The following VEZT variants were observed in gnomAD, a reference collection of about 807,000 sequenced individuals.
VEZT encodes vezatin.
A neutral mutation model predicts 79.9 loss-of-function variants in VEZT; 39 were observed. That is an observed-to-expected ratio of 0.49 (90% CI 0.38 to 0.64). VEZT has a LOEUF of 0.64. Ranked by LOEUF, VEZT falls within the 30% of genes least tolerant of loss-of-function variation. VEZT has a pLI of 0.00. For synonymous variants in VEZT, 325 were observed against 327.6 expected (o/e 0.99, Z 0.09); for missense variants, 837 against 893.1 (o/e 0.94, Z 0.80).
chr12:95,294,143 T>G (rs992917206), intron 9 of VEZT, 129 bp from the exon 10 acceptor site: 198 of 652,452 alleles, frequency 3.0e-4, no homozygotes, highest in Non-Finnish European at 4.0e-4. Context: ...TGCCTCAGCC[T>G]CCCGAAGTGC....
At chr12:95,250,838 T>C (rs1286258075) in intron 1 of VEZT, among the ~76,000 whole-genome samples, 1 of 151,944 alleles carries the variant, frequency 6.6e-6, no homozygotes, top group Admixed American at 6.6e-5. Flanking sequence ...GCTTACTATG[T>C]GGCAAGGACT....
chr12:95,260,674 A>G (rs2064283772), intron 3 of VEZT, among the ~76,000 whole-genome samples: 2 of 152,214 alleles, frequency 1.3e-5, no homozygotes, highest in African/African-American at 2.4e-5. Flanking sequence ...TAGAAGTCTC[A>G]TAAAAGGTAT....
intron 9 of VEZT, 83 bp downstream of exon 9, chr12:95,287,940 GT>G: frequency 8.2e-7 from 1 of 1,221,758 alleles, no homozygotes; most frequent in Non-Finnish European, 1.1e-6. Context: ...TAGACTTCTT[GT>G]CTTTATGATG....
chr12:95,281,267 AAAG>A (rs1485885777), intron 7 of VEZT, among the ~76,000 whole-genome samples: 1 of 152,172 alleles, frequency 6.6e-6, no homozygotes, highest in Non-Finnish European at 1.5e-5. Flanking sequence ...ATTTTAAAAA[AAAG>A]AAGAAGAATG....
rs1357550135 is a variant in VEZT at position 95,248,782 on chromosome 12, G to A, written c.37-3158G>A. On this transcript the variant is annotated intron_variant, in intron 1 of 11. Coordinates refer to ENST00000436874, the MANE Select transcript of VEZT (RefSeq NM_017599.4). ...GCCAGAGGATAGCTTGAGCCCAGGA[G>A]TTCTAGGCCAGCCTGGACAACACAG... is the stretch of plus-strand genomic sequence containing the variant. 2.1e-5 allele frequency among the ~76,000 whole-genome samples: 3 copies of A among 146,090 alleles called. No individual in the cohort carries two copies. The East Asian group carries it at 6.1e-4, about 30-fold the overall frequency.
intron 1 of VEZT, among the ~76,000 whole-genome samples, chr12:95,236,006 C>G (rs540618482): frequency 1.3e-5 from 2 of 152,264 alleles, no homozygotes; most frequent in South Asian, 4.1e-4. Context: ...ACGCTCCTCA[C>G]TTCCCAGACG....
intron 4 of VEZT, among the ~76,000 whole-genome samples, 162 bp downstream of exon 4, chr12:95,263,243 A>G (rs2064874944): frequency 6.6e-6 from 1 of 152,210 alleles, no homozygotes; most frequent in Admixed American, 6.5e-5. Context: ...TCTAAAGTAA[A>G]TACTATTTAA....
At chr12:95,232,883 G>C (rs1241505666) in intron 1 of VEZT, among the ~76,000 whole-genome samples, 1 of 152,082 alleles carries the variant, frequency 6.6e-6, no homozygotes, top group Non-Finnish European at 1.5e-5. Context: ...TCGGCTCACT[G>C]CATCCTCTAC....
At position 95,273,276 on chromosome 12, in the gene VEZT, T is replaced by C. The variant is rs944948778; in HGVS notation, c.849-1466T>C. 4.5e-4 allele frequency among the ~76,000 whole-genome samples: 69 copies of C among 152,252 alleles called. 1 individual carries two copies. The highest frequency in any genetic ancestry group is 1.8e-4 in the Non-Finnish European group (12 of 68,052). Reference sequence around the variant, plus strand: ...ACAAAGTGCACGGATTGGTATTTATTGTATCCTTCAATTTGTGCATAAAAG... The same window carrying C: ...ACAAAGTGCACGGATTGGTATTTATCGTATCCTTCAATTTGTGCATAAAAG... On this transcript the variant is annotated intron_variant, in intron 6 of 11. Coordinates refer to ENST00000436874, the MANE Select transcript of VEZT (RefSeq NM_017599.4).
At chr12:95,291,945 T>A (rs914101228) in intron 9 of VEZT, among the ~76,000 whole-genome samples, 2 of 152,220 alleles carry the variant, frequency 1.3e-5, no homozygotes, top group East Asian at 3.9e-4. Flanking sequence ...ACTACAGCCA[T>A]GCACCACCAT....
intron 10 of VEZT, 28 bp from the exon 11 acceptor site, chr12:95,296,023 A>G: frequency 6.8e-7 from 1 of 1,472,282 alleles, no homozygotes; most frequent in Non-Finnish European, 9.1e-7. Flanking sequence ...GCTTCAAGTA[A>G]AGTGCTTTTT....
At chr12:95,291,198 T>C (rs893527283) in intron 9 of VEZT, among the ~76,000 whole-genome samples, 1 of 152,170 alleles carries the variant, frequency 6.6e-6, no homozygotes, top group Non-Finnish European at 1.5e-5. Context: ...ACAACTGCAC[T>C]CCATCCTTGG....
At chr12:95,260,516 G>T (rs555420950) in intron 3 of VEZT, among the ~76,000 whole-genome samples, 3 of 152,142 alleles carry the variant, frequency 2.0e-5, no homozygotes, top group Non-Finnish European at 4.4e-5. Context: ...TGATGCCAGG[G>T]AATGGTGTTA....
At chr12:95,240,080 A>AG (rs2060819469) in intron 1 of VEZT, among the ~76,000 whole-genome samples, 1 of 134,854 alleles carries the variant, frequency 7.4e-6, no homozygotes. Context: ...AAGGAAGAAA[A>AG]GAAAGAGGAA....
intron 1 of VEZT, among the ~76,000 whole-genome samples, chr12:95,242,836 G>A (rs1238314304): frequency 7.1e-6 from 1 of 141,754 alleles, no homozygotes; most frequent in Non-Finnish European, 1.5e-5. Context: ...TGGTGCCATT[G>A]CACTCCAGCC....
At chr12:95,292,933 C>T (rs1319656588) in intron 9 of VEZT, among the ~76,000 whole-genome samples, 1 of 150,378 alleles carries the variant, frequency 6.6e-6, no homozygotes, top group African/African-American at 2.5e-5. Flanking sequence ...TCACTGCAAC[C>T]TCCATCTCCC....
At chr12:95,234,015 A>G (rs1273457259) in intron 1 of VEZT, among the ~76,000 whole-genome samples, 3 of 152,180 alleles carry the variant, frequency 2.0e-5, no homozygotes, top group African/African-American at 7.2e-5. Flanking sequence ...CTGTATTCCA[A>G]CGTTGCCAAA....
intron 11 of VEZT, among the ~76,000 whole-genome samples, chr12:95,298,452 GGTTTT>G (rs922549431): frequency 5.9e-5 from 9 of 152,138 alleles, no homozygotes; most frequent in Admixed American, 1.3e-4. Context: ...ATATGTTCAG[GGTTTT>G]GTTTTGTTTT....
chr12:95,251,342 T>C (rs1396388093), intron 1 of VEZT, among the ~76,000 whole-genome samples: 1 of 152,152 alleles, frequency 6.6e-6, no homozygotes, highest in Non-Finnish European at 1.5e-5. Context: ...GTTCTAATGC[T>C]TTTGTTAGCC....
Sources: allele counts gnomAD v4.1 joint callset (sites outside exome capture counted in the v4.1 genomes callset), GRCh38; gene constraint gnomAD v4.1.1; transcripts MANE v1.5; gene names NCBI Gene and HGNC (gene_info 2026-07-23, HGNC 2026-07-21).